CNTNAP2: variants seen among roughly 807,000 people sequenced by gnomAD.
CNTNAP2 encodes contactin associated protein 2.
Under a neutral mutation model 155.2 loss-of-function variants are expected in CNTNAP2, and 98 were observed. The ratio of observed to expected loss-of-function variants is 0.63; its 90% CI spans 0.54 to 0.75. The LOEUF is 0.75. Ranked by LOEUF, CNTNAP2 falls within the 30% of genes least tolerant of loss-of-function variation. The pLI is 0.00. For synonymous variants in CNTNAP2, 651 were observed against 631.2 expected (o/e 1.03, Z -0.47); for missense variants, 1,727 against 1,688.1 (o/e 1.02, Z -0.40).
At chr7:147,950,899 C>T (rs866032118) in intron 14 of CNTNAP2, among the ~76,000 whole-genome samples, 26 of 152,328 alleles carry the variant, frequency 1.7e-4, no homozygotes, top group Middle Eastern at 3.4e-3. Context: ...GTTAAATTAA[C>T]CTTATCTGTC....
chr7:148,343,507 G>C (rs1798270861), intron 21 of CNTNAP2, among the ~76,000 whole-genome samples: 1 of 152,078 alleles, frequency 6.6e-6, no homozygotes, highest in Admixed American at 6.6e-5. Flanking sequence ...TTCTGTAGTT[G>C]CTCCATTAAT....
intron 9 of CNTNAP2, among the ~76,000 whole-genome samples, chr7:147,394,189 C>T (rs1246073292): frequency 6.6e-6 from 1 of 151,906 alleles, no homozygotes; most frequent in African/African-American, 2.4e-5. Context: ...CCTGACACTT[C>T]TCCTTGCTGC....
At chr7:146,809,286 G>C (rs1051052916) in intron 2 of CNTNAP2, among the ~76,000 whole-genome samples, 3 of 152,072 alleles carry the variant, frequency 2.0e-5, no homozygotes, top group Non-Finnish European at 4.4e-5. Context: ...TGATTGTCTT[G>C]ATTTGCATTT....
intron 12 of CNTNAP2, among the ~76,000 whole-genome samples, chr7:147,577,848 T>A (rs1584827139): frequency 6.6e-6 from 1 of 152,182 alleles, no homozygotes; most frequent in East Asian, 1.9e-4. Flanking sequence ...GTTGGTGTCA[T>A]TGTTCTCACC....
At chr7:147,233,751 CTT>C (rs1803737011) in intron 8 of CNTNAP2, among the ~76,000 whole-genome samples, 2 of 151,034 alleles carry the variant, frequency 1.3e-5, no homozygotes, top group South Asian at 4.2e-4. Flanking sequence ...GGAAAAAAGT[CTT>C]ATATAAAAAC....
At chr7:147,111,942 T>G (rs1255154697) in intron 5 of CNTNAP2, among the ~76,000 whole-genome samples, 1 of 152,200 alleles carries the variant, frequency 6.6e-6, no homozygotes, top group Non-Finnish European at 1.5e-5. Flanking sequence ...ATTGAATCTA[T>G]GTATTGCTTT....
chr7:146,589,940 G>A (rs755388462), intron 1 of CNTNAP2, among the ~76,000 whole-genome samples: 3 of 152,126 alleles, frequency 2.0e-5, no homozygotes, highest in African/African-American at 7.2e-5. Context: ...GCACAAAAGA[G>A]ATTTTCATGA....
chr7:146,855,745 A>G (rs978920653), intron 3 of CNTNAP2, among the ~76,000 whole-genome samples: 1 of 149,594 alleles, frequency 6.7e-6, no homozygotes. Context: ...AATAAGAAAC[A>G]TACGTGGAAT....
intron 8 of CNTNAP2, among the ~76,000 whole-genome samples, chr7:147,167,193 G>A (rs1234270366): frequency 6.6e-6 from 1 of 152,036 alleles, no homozygotes; most frequent in African/African-American, 2.4e-5. Context: ...TCACATGCAA[G>A]GATCTTCATG....
chr7:146,476,520 C>T (rs10264684), intron 1 of CNTNAP2, among the ~76,000 whole-genome samples: 36,072 of 151,702 alleles, frequency 0.24, 7,207 homozygotes, highest in African/African-American at 0.55. Context: ...TTATTTTTTA[C>T]TTTTGGAGAG....
intron 4 of CNTNAP2, among the ~76,000 whole-genome samples, chr7:147,046,449 T>C (rs1404813328): frequency 6.6e-6 from 1 of 152,166 alleles, no homozygotes; most frequent in African/African-American, 2.4e-5. Context: ...GAGATATTAG[T>C]TTCTTTTCCT....
chr7:147,178,047 TC>T (rs750820465), intron 8 of CNTNAP2, among the ~76,000 whole-genome samples: 38 of 152,168 alleles, frequency 2.5e-4, no homozygotes, highest in Non-Finnish European at 4.6e-4. Context: ...TAATGCCCCA[TC>T]CGCCCCCCCA....
chr7:146,540,402 T>A (rs1194990373), intron 1 of CNTNAP2, among the ~76,000 whole-genome samples: 1 of 151,896 alleles, frequency 6.6e-6, no homozygotes, highest in Non-Finnish European at 1.5e-5. Context: ...CTGCCAGACA[T>A]CACATCAAGA....
chr7:146,605,176 A>G (rs1031903116), intron 1 of CNTNAP2, among the ~76,000 whole-genome samples: 3 of 150,952 alleles, frequency 2.0e-5, no homozygotes, highest in Non-Finnish European at 4.4e-5. Flanking sequence ...CTAAACTGAA[A>G]GTTCCATGGA....
intron 13 of CNTNAP2, among the ~76,000 whole-genome samples, chr7:147,732,181 T>TCCCCCCCCCCCCCCCCCCC (rs199519152): frequency 4.6e-5 from 5 of 108,530 alleles, no homozygotes; most frequent in Non-Finnish European, 8.7e-5. Context: ...ATGCTATCCC[T>TCCCCCCCCCCCCCCCCCCC]CCCCCCCCCA....
intron 3 of CNTNAP2, 71 bp downstream of exon 3, chr7:146,839,975 T>A (rs1479807523): frequency 4.7e-6 from 7 of 1,489,334 alleles, no homozygotes; most frequent in Non-Finnish European, 6.5e-6. Context: ...CAGGATTTAC[T>A]AAGCATATAT....
intron 20 of CNTNAP2, among the ~76,000 whole-genome samples, chr7:148,239,787 T>C (rs1324464249): frequency 6.6e-6 from 1 of 152,172 alleles, no homozygotes; most frequent in Non-Finnish European, 1.5e-5. Context: ...CTGAGAGGTC[T>C]GGCCAGCCCG....
At chr7:147,503,010 G>A (rs915666446) in intron 11 of CNTNAP2, among the ~76,000 whole-genome samples, 1 of 152,056 alleles carries the variant, frequency 6.6e-6, no homozygotes, top group Non-Finnish European at 1.5e-5. Context: ...GATGCTAAGG[G>A]TGTTTGATTT....
chr7:146,339,653 AC>A lies in CNTNAP2; in HGVS notation c.97+222681del, dbSNP rs1426323337. On this transcript the variant is annotated intron_variant, in intron 1 of 23. Transcript: ENST00000361727. ...TATTTAAATATATGTAACTAGAGCT[AC>A]TGGCAGATAACTTAGGTCTATATGG... Among the ~76,000 whole-genome samples, 4 of 152,296 alleles carry A rather than the reference AC, an allele frequency of 2.6e-5. No individual in the cohort carries two copies. In the East Asian group the frequency reaches 7.7e-4, roughly 29 times the overall value.
Sources: gnomAD v4.1 joint callset for allele counts (sites outside exome capture counted in the v4.1 genomes callset) on GRCh38, gnomAD v4.1.1 for gene constraint, MANE v1.5 for transcripts, NCBI Gene and HGNC (gene_info 2026-07-23, HGNC 2026-07-21) for gene names.